ATM: variants seen among roughly 807,000 people sequenced by gnomAD.
The protein encoded by ATM is ATM serine/threonine kinase.
In ATM, 308 loss-of-function variants were observed where a neutral mutation model predicts 387.0. The ratio of observed to expected loss-of-function variants is 0.80; its 90% confidence interval spans 0.73 to 0.87. ATM has a LOEUF of 0.87. ATM is among the 40% of genes least tolerant of loss of function. The probability of loss-of-function intolerance (pLI) is 0.00; values close to 1 mark genes in which losing one functional copy is unlikely to be tolerated. For missense variants in ATM, 3,312 were observed against 3,560.9 expected, an observed-to-expected ratio of 0.93 and a Z score of 1.78; for synonymous variants, 1,156 against 1,187.3, an observed-to-expected ratio of 0.97 and a Z score of 0.54.
Position 108,259,035 on chromosome 11 carries a change from C to A in ATM, c.2426C>A (p.Ser809Ter), listed in dbSNP as rs730881348. The change falls in exon 16 of 63, where the codon TCA (serine) becomes TAA (stop). Residue 809 changes from serine (S) to a stop codon, truncating the protein, a stop_gained. Coordinates refer to ENST00000675843, the MANE Select transcript of ATM (RefSeq NM_000051.4). LOFTEE classifies it high-confidence loss of function. Reference sequence around the variant, plus strand: ...GGCTTTTTCCTGCGATTGTTAACATCAAAGCTAATGAATGACATTGCAGAT... The same window carrying A: ...GGCTTTTTCCTGCGATTGTTAACATAAAAGCTAATGAATGACATTGCAGAT... ...ASGFFLRLLTSKLMNDIADIC... is the reference protein window; with the variant it reads ...ASGFFLRLLT 6.2e-6 allele frequency: 10 copies of A among 1,613,688 alleles called. No individual in the cohort carries two copies. The highest frequency in any genetic ancestry group is 8.5e-6 in the Non-Finnish European group (10 of 1,179,896).
At position 108,252,680 on chromosome 11, in the gene ATM, T is replaced by C. The variant is rs4987947; in HGVS notation, c.1803-137T>C. 3,613 of 659,160 alleles carry C rather than the reference T, an allele frequency of 5.5e-3. 17 individuals carry two copies. The highest frequency in any genetic ancestry group is 7.8e-3 in the African/African-American group (426 of 54,694). The allele number at this position is 659,160 out of a possible 1,614,324, so 40.8% of individuals were successfully genotyped here. On this transcript the variant is annotated intron_variant, in intron 11 of 62. Coordinates refer to ENST00000675843, the MANE Select transcript of ATM (RefSeq NM_000051.4). ...TCCTTTTAGATATTAAGAAATTTAG[T>C]ATAGATGAAAGCAATTTTAATCTAG...
chr11:108,362,836 T>A (rs1343705397), intron 61 of ATM, among the ~76,000 whole-genome samples: 1 of 148,360 alleles, frequency 6.7e-6, no homozygotes, highest in Non-Finnish European at 1.5e-5. Flanking sequence ...CATTGGGAGA[T>A]ATACCTAATG....
At chr11:108,226,952 A>T (rs1565342612) in intron 1 of ATM, 1 of 151,732 alleles carries the variant, frequency 6.6e-6, no homozygotes, top group Non-Finnish European at 1.5e-5. Context: ...TTTTCTATTC[A>T]TCTTTCATGT....
chr11:108,244,304 T>G lies in ATM; in HGVS notation c.662+186T>G, dbSNP rs150763863. 1.5e-4 allele frequency among the ~76,000 whole-genome samples: 23 copies of G among 152,290 alleles called. No homozygotes were observed. In the East Asian group the frequency reaches 3.7e-3, roughly 24 times the overall value. On this transcript the variant is annotated intron_variant, in intron 6 of 62. Transcript: ENST00000675843. The stretch of plus-strand genomic sequence containing the variant: ...TCTGAATATCCAATATGCAGAACAC[T>G]ACGTGAAGTTTTCAAGGGGGAGATG...
At chr11:108,340,074 A>C (rs2087344021) in intron 56 of ATM, 1 of 152,226 alleles carries the variant, frequency 6.6e-6, no homozygotes, top group African/African-American at 2.4e-5. Flanking sequence ...AAACATAATA[A>C]ACATAATTAT....
rs878853518 is a variant in ATM, at chr11:108,301,672, T to TA, written c.5203dup (p.Thr1735AsnfsTer14). Reference sequence around the variant, plus strand: ...GTGTCAAAGTTCGATCAGCAGCTGTTACCTGTTTGAAAAACATTTTAGCCA... The same window carrying TA: ...GTGTCAAAGTTCGATCAGCAGCTGTTAACCTGTTTGAAAAACATTTTAGCCA... On this transcript the variant is annotated frameshift_variant, in exon 35 of 63. Coordinates refer to ENST00000675843, the MANE Select transcript of ATM (RefSeq NM_000051.4). LOFTEE classifies it high-confidence loss of function. 3 of 1,613,668 alleles carry TA rather than the reference T, an allele frequency of 1.9e-6. No homozygotes were observed. Among genetic ancestry groups the TA allele is most frequent in the African/African-American group, 1.3e-5 (1 of 74,932 alleles).
At chr11:108,240,781 T>C (rs1008682500) in intron 5 of ATM, among the ~76,000 whole-genome samples, 2 of 152,188 alleles carry the variant, frequency 1.3e-5, no homozygotes, top group Non-Finnish European at 2.9e-5. Flanking sequence ...TGGGATACTA[T>C]ATACTACTGT....
At chr11:108,328,383 A>C (rs1238709101) in intron 48 of ATM, among the ~76,000 whole-genome samples, 2 of 152,142 alleles carry the variant, frequency 1.3e-5, no homozygotes. Context: ...AGTAGCTGGG[A>C]CTACAGGAGT....
At chr11:108,298,126 A>G (rs1251980774) in intron 33 of ATM, among the ~76,000 whole-genome samples, 1 of 152,222 alleles carries the variant, frequency 6.6e-6, no homozygotes, top group Non-Finnish European at 1.5e-5. Flanking sequence ...CTAATGTAAA[A>G]TAAGAAGCCA....
intron 34 of ATM, 39 bp downstream of exon 34, chr11:108,299,924 G>C (rs2083340923): frequency 6.5e-7 from 1 of 1,549,124 alleles, no homozygotes; most frequent in African/African-American, 1.4e-5. Context: ...ATCTCAATAT[G>C]ACATTCATGG....
At chr11:108,349,214 A>AAAGAAG (rs2088866849) in intron 59 of ATM, among the ~76,000 whole-genome samples, 1 of 152,244 alleles carries the variant, frequency 6.6e-6, no homozygotes, top group Admixed American at 6.5e-5. Flanking sequence ...ATAGTATCTG[A>AAAGAAG]TACAGAAAGG....
At chr11:108,229,860 T>TC (rs1490720578) in intron 4 of ATM, 2 of 153,748 alleles carry the variant, frequency 1.3e-5, no homozygotes, top group African/African-American at 4.8e-5. Flanking sequence ...TTTTTTTTTT[T>TC]TTTTAAGAGG....
At position 108,321,366 on chromosome 11, in the gene ATM, T is replaced by A. The variant is rs1173542225; in HGVS notation, c.6518T>A (p.Leu2173His). 2 of 1,614,210 alleles carry A rather than the reference T, an allele frequency of 1.2e-6. No individual in the cohort carries two copies. Among genetic ancestry groups the A allele is most frequent in the South Asian group, 2.2e-5 (2 of 91,082 alleles). The change falls in exon 45 of 63, where the codon CTT (leucine) becomes CAT (histidine). Residue 2173 changes from leucine to histidine, a missense_variant. Around this residue, in one of 4 missense-constraint regions of ATM, gnomAD observed 1,405 missense variants for 1,604.4 expected, o/e 0.88. Coordinates refer to ENST00000675843, the MANE Select transcript of ATM (RefSeq NM_000051.4). ...TCTGTGTATTCGCTCTATCCCACAC[T>A]TAGCAGGTTGCAGGCCATTGGAGAG... is the stretch of plus-strand genomic sequence containing the variant. ...LESVYSLYPT[L>H]SRLQAIGELE...
In ATM at chr11:108,365,717, A is replaced by T; in HGVS notation, c.*209A>T. 1 of 677,916 alleles carries T rather than the reference A, an allele frequency of 1.5e-6. No individual in the cohort carries two copies. The allele number at this position is 677,916 out of a possible 1,614,324, so 42.0% of individuals were successfully genotyped here. On this transcript the variant is annotated 3_prime_UTR_variant, in exon 63 of 63. Transcript: ENST00000675843. ...AACATCTCTGCTTTCACTCTTTAGA[A>T]ATAATGGTCATTCGGGCTGGGCGCA...
chr11:108,340,797 A>G (rs1188280302), intron 56 of ATM, among the ~76,000 whole-genome samples: 2 of 152,244 alleles, frequency 1.3e-5, no homozygotes, highest in Non-Finnish European at 1.5e-5. Context: ...GCATTTGCCT[A>G]TAACCTATGA....
At chr11:108,257,159 C>T (rs928052823) in intron 14 of ATM, among the ~76,000 whole-genome samples, 2 of 152,208 alleles carry the variant, frequency 1.3e-5, no homozygotes, top group Admixed American at 6.5e-5. Flanking sequence ...TCCTGTTTCT[C>T]CACATCCTGT....
In ATM at chr11:108,295,053, T is replaced by G. The variant is rs535266558; in HGVS notation, c.4903T>G (p.Ser1635Ala). 1.9e-6 allele frequency: 3 copies of G among 1,613,866 alleles called. No homozygotes were observed. The highest frequency in any genetic ancestry group is 2.7e-5 in the African/African-American group (2 of 75,048). The stretch of plus-strand genomic sequence containing the variant: ...TCAGATGGTGGACATTATGAGAGCT[T>G]CTCAGGGTGCTAATTTTAAATGACA... ...KDQMVDIMRA[S>A]QDNPQDGIMV... The change falls in exon 32 of 63, where the codon TCT becomes GCT. Residue 1635 changes from serine to alanine, a missense_variant. By Grantham distance (99) the Ser-to-Ala change is moderately conservative. Coordinates refer to ENST00000675843, the MANE Select transcript of ATM (RefSeq NM_000051.4).
In ATM at chr11:108,271,400, C is replaced by T. The variant is rs746133264; in HGVS notation, c.3071C>T (p.Ala1024Val). The T allele has an allele frequency of 5.0e-6, 8 of 1,613,988 alleles. No homozygotes were observed. The highest frequency in any genetic ancestry group is 6.8e-6 in the Non-Finnish European group (8 of 1,179,984). Residue 1024 changes from alanine (A) to valine (V), a missense_variant, in exon 20 of 63, where the codon GCA becomes GTA. Ala to Val is a moderately conservative substitution (Grantham distance 64). Coordinates refer to ENST00000675843, the MANE Select transcript of ATM (RefSeq NM_000051.4). The stretch of plus-strand genomic sequence containing the variant: ...GGACAGTTTCTTACAGTAATTGGAG[C>T]ATTTTGGTAGGTACAGTCTATTTTG... ...AQGQFLTVIG[A>V]FWHLTKERKY... is the part of the protein sequence containing the mutation.
chr11:108,330,092 T>C (rs2086094046), intron 49 of ATM, 122 bp from the exon 50 acceptor site: 1 of 982,076 alleles, frequency 1.0e-6, no homozygotes, highest in Non-Finnish European at 1.6e-6. Flanking sequence ...TCCTTAGAAG[T>C]TTGCTTTTTT....
Sources: gnomAD v4.1 joint callset for allele counts (sites outside exome capture counted in the v4.1 genomes callset) on GRCh38, gnomAD v4.1.1 for gene constraint, gnomAD v4.1.1 regional missense constraint, MANE v1.5 for transcripts, NCBI Gene and HGNC (gene_info 2026-07-23, HGNC 2026-07-21) for gene names.